The following DCC variants were observed in gnomAD, a reference collection of about 807,000 sequenced individuals.
The protein encoded by DCC is netrin receptor DCC.
Under a neutral mutation model 172.5 loss-of-function variants are expected in DCC, and 58 were observed. That is an observed-to-expected ratio of 0.34 (90% confidence interval 0.27 to 0.42). The LOEUF is 0.42. Ranked by LOEUF, DCC falls within the 10% of genes least tolerant of loss-of-function variation. The pLI is 1.00. For synonymous variants in DCC, 709 were observed against 644.5 expected (o/e 1.10, Z -1.52); for missense variants, 1,740 against 1,791.0 (o/e 0.97, Z 0.51).
intron 27 of DCC, among the ~76,000 whole-genome samples, chr18:53,517,301 G>T (rs1359921250): frequency 6.6e-6 from 1 of 151,444 alleles, no homozygotes; most frequent in Non-Finnish European, 1.5e-5. Flanking sequence ...ACTGTTGTGG[G>T]GTGGGGGGAG....
chr18:53,255,989 C>T (rs917143658), intron 12 of DCC, among the ~76,000 whole-genome samples: 2 of 152,076 alleles, frequency 1.3e-5, no homozygotes, highest in African/African-American at 4.8e-5. Flanking sequence ...TTTCATGTGT[C>T]TTTTGGCTGA....
intron 8 of DCC, among the ~76,000 whole-genome samples, chr18:53,175,440 C>T (rs1478632947): frequency 1.3e-5 from 2 of 152,058 alleles, no homozygotes; most frequent in African/African-American, 4.8e-5. Flanking sequence ...ATCGTCTCAA[C>T]CCAAAATCTC....
intron 1 of DCC, among the ~76,000 whole-genome samples, chr18:52,653,618 AATCTAAGGAGTTTTAGC>A (rs930646615): frequency 6.6e-6 from 1 of 152,170 alleles, no homozygotes; most frequent in African/African-American, 2.4e-5. Flanking sequence ...GAGGACATAA[AATCTAAGGAGTTTTAGC>A]ATGAGTAGGA....
chr18:53,094,985 T>G (rs1029076294), intron 7 of DCC, among the ~76,000 whole-genome samples: 3 of 152,210 alleles, frequency 2.0e-5, no homozygotes, highest in Non-Finnish European at 2.9e-5. Context: ...TTTATGATTA[T>G]GTCTTGCTAT....
intron 7 of DCC, among the ~76,000 whole-genome samples, chr18:53,128,197 C>G (rs111447403): frequency 0.021 from 3,124 of 152,210 alleles, 43 homozygotes; most frequent in Non-Finnish European, 0.03. Context: ...TACCTTAGTA[C>G]GAAAATAGCA....
rs547375182 is a variant in DCC at position 52,755,355 on chromosome 18, T to C, written c.412+2981T>C. 7.6e-4 allele frequency among the ~76,000 whole-genome samples: 116 copies of C among 152,352 alleles called. 1 individual carries two copies. The highest frequency in any genetic ancestry group is 3.4e-3 in the Middle Eastern group (1 of 294). On this transcript the variant is annotated intron_variant, in intron 2 of 28. Transcript: ENST00000442544. ...CACATTTACATGTGCTGTCTTTCAG[T>C]AGTGAAATGAAGAAGAGTTCCTTCG...
intron 19 of DCC, among the ~76,000 whole-genome samples, chr18:53,407,316 C>A (rs1909718600): frequency 6.6e-6 from 1 of 151,574 alleles, no homozygotes; most frequent in Admixed American, 6.6e-5. Context: ...CAATAAGTGA[C>A]TTTCGATACC....
chr18:52,589,346 C>T (rs773486859), intron 1 of DCC, among the ~76,000 whole-genome samples: 5 of 152,186 alleles, frequency 3.3e-5, no homozygotes, highest in Non-Finnish European at 2.9e-5. Context: ...CTTATTTCTA[C>T]TTTTACAAAA....
intron 24 of DCC, among the ~76,000 whole-genome samples, chr18:53,462,306 C>G (rs1459161416): frequency 6.6e-6 from 1 of 152,110 alleles, no homozygotes; most frequent in Non-Finnish European, 1.5e-5. Context: ...TACAGCCATT[C>G]CCTATCACTC....
intron 12 of DCC, among the ~76,000 whole-genome samples, chr18:53,224,943 G>T (rs181526847): frequency 1.3e-5 from 2 of 152,242 alleles, no homozygotes; most frequent in East Asian, 3.9e-4. Flanking sequence ...CTGTCATATT[G>T]ATAACACTTA....
At chr18:52,856,640 A>AAAAAAAC in intron 2 of DCC, among the ~76,000 whole-genome samples, 1 of 149,694 alleles carries the variant, frequency 6.7e-6, no homozygotes, top group Non-Finnish European at 1.5e-5. Flanking sequence ...AAAAAAAAAA[A>AAAAAAAC]AAAGAAAACA....
chr18:52,342,328 G>T (rs547562707), intron 1 of DCC, among the ~76,000 whole-genome samples: 7 of 152,148 alleles, frequency 4.6e-5, no homozygotes, highest in African/African-American at 2.4e-5. Flanking sequence ...TGATGAGCGC[G>T]TACCCGCATC....
At chr18:53,106,875 C>A (rs2043256432) in intron 7 of DCC, among the ~76,000 whole-genome samples, 1 of 151,830 alleles carries the variant, frequency 6.6e-6, no homozygotes, top group African/African-American at 2.4e-5. Context: ...TACAAGAATG[C>A]CTGATAAAAG....
At chr18:53,194,759 C>T (rs775164171) in intron 9 of DCC, among the ~76,000 whole-genome samples, 16 of 152,138 alleles carry the variant, frequency 1.1e-4, no homozygotes, top group Non-Finnish European at 2.2e-4. Flanking sequence ...TGTGAGCCAC[C>T]ACGCCCGGCC....
chr18:53,465,151 A>G (rs984282474), intron 24 of DCC, among the ~76,000 whole-genome samples: 3 of 151,992 alleles, frequency 2.0e-5, no homozygotes, highest in African/African-American at 7.2e-5. Flanking sequence ...TGTTGTATTT[A>G]ATTGATATTT....
chr18:52,647,080 A>G (rs12961980), intron 1 of DCC, among the ~76,000 whole-genome samples: 21,165 of 152,214 alleles, frequency 0.14, 1,769 homozygotes, highest in Non-Finnish European at 0.19. Flanking sequence ...AAGCCCAAAT[A>G]CATGTTCTTT....
intron 2 of DCC, among the ~76,000 whole-genome samples, chr18:52,791,146 T>C (rs1416014800): frequency 1.3e-5 from 2 of 151,946 alleles, no homozygotes; most frequent in African/African-American, 2.4e-5. Context: ...CCCCCAGGAG[T>C]TGCTTTTCTA....
At position 53,061,928 on chromosome 18, in the gene DCC, T is replaced by C. The variant is rs537800005; in HGVS notation, c.986-1377T>C. Among the ~76,000 whole-genome samples, 4 of 152,220 alleles carry C rather than the reference T, an allele frequency of 2.6e-5. No homozygotes were observed. The South Asian group carries it at 8.3e-4, about 32-fold the overall frequency. The stretch of plus-strand genomic sequence containing the variant: ...TAAATGAACCCTTGACCAAAGTCTT[T>C]GGGAAAACAGACAGCAGAATGGAAC... On this transcript the variant is annotated intron_variant, in intron 5 of 28. Transcript: ENST00000442544.
At chr18:52,495,768 ATT>A (rs199884010) in intron 1 of DCC, among the ~76,000 whole-genome samples, 9,112 of 144,858 alleles carry the variant, frequency 0.063, 337 homozygotes, top group East Asian at 0.086. Context: ...TTATTTATGT[ATT>A]TTTTTTTTTT....
Sources: allele counts gnomAD v4.1 joint callset (sites outside exome capture counted in the v4.1 genomes callset), GRCh38; gene constraint gnomAD v4.1.1; transcripts MANE v1.5; gene names NCBI Gene and HGNC (gene_info 2026-07-23, HGNC 2026-07-21).